TNNI3K: variants seen among roughly 807,000 people sequenced by gnomAD.
The protein encoded by TNNI3K is TNNI3 interacting kinase, also known as serine/threonine-protein kinase TNNI3K.
In TNNI3K, 140 loss-of-function variants were observed where a neutral mutation model predicts 114.5. The observed-to-expected ratio is 1.22, with a 90% CI of 1.07 to 1.41. The LOEUF is 1.41. Among genes scored for constraint, TNNI3K ranks in the 40% most tolerant of loss-of-function variants. The probability of loss-of-function intolerance (pLI) is 0.00; values close to 1 mark genes in which losing one functional copy is unlikely to be tolerated. For synonymous variants in TNNI3K, 347 were observed against 347.5 expected (o/e 1.00, Z 0.02); for missense variants, 1,125 against 1,007.6 (o/e 1.12, Z -1.58).
intron 2 of TNNI3K, among the ~76,000 whole-genome samples, chr1:74,242,962 A>G (rs1270835248): frequency 6.6e-6 from 1 of 151,372 alleles, no homozygotes; most frequent in Non-Finnish European, 1.5e-5. Flanking sequence ...CTTCTTTTCC[A>G]TCCTGTACCT....
intron 23 of TNNI3K, among the ~76,000 whole-genome samples, chr1:74,506,883 T>G (rs1178973161): frequency 2.0e-5 from 3 of 152,196 alleles, no homozygotes; most frequent in Non-Finnish European, 4.4e-5. Flanking sequence ...CACTGTCTTC[T>G]CGGAAAAGAT....
intron 24 of TNNI3K, 39 bp from the exon 25 acceptor site, chr1:74,543,867 A>C: frequency 1.2e-6 from 2 of 1,612,596 alleles, no homozygotes; most frequent in South Asian, 2.2e-5. Context: ...ATGTACTGAA[A>C]GACTAGTAAG....
chr1:74,251,605 T>G (rs1323374539), intron 4 of TNNI3K, among the ~76,000 whole-genome samples: 1 of 152,162 alleles, frequency 6.6e-6, no homozygotes, highest in Admixed American at 6.5e-5. Flanking sequence ...ATTTGTATAT[T>G]GCGTATTTTG....
chr1:74,494,578 G>A lies in TNNI3K; in HGVS notation c.2351+2312G>A, dbSNP rs1020364399. Among the ~76,000 whole-genome samples the A allele has an allele frequency of 3.3e-5, 5 of 152,188 alleles. No homozygotes were observed. In the East Asian group the frequency reaches 7.7e-4, roughly 24 times the overall value. On this transcript the variant is annotated intron_variant, in intron 23 of 24. Coordinates refer to ENST00000326637, the MANE Select transcript of TNNI3K (RefSeq NM_015978.3). Reference sequence around the variant, plus strand: ...TCTTCTGTTCTTATTCTCTACTTGTGTCTTTTAAAGCTATTTCTCTGAACA... The same window carrying A: ...TCTTCTGTTCTTATTCTCTACTTGTATCTTTTAAAGCTATTTCTCTGAACA...
chr1:74,245,215 T>C lies in TNNI3K; in HGVS notation c.150-4244T>C, dbSNP rs182830646. Among the ~76,000 whole-genome samples the C allele has an allele frequency of 2.0e-5, 3 of 152,222 alleles. No individual in the cohort carries two copies. In the East Asian group the frequency reaches 5.8e-4, roughly 29 times the overall value. ...ATCCCAATGTATTACAACTTCTGCC[T>C]GAAGCAAAGTTCTCTTGTACTCTGA... is the stretch of plus-strand genomic sequence containing the variant. On this transcript the variant is annotated intron_variant, in intron 2 of 24. Coordinates refer to ENST00000326637, the MANE Select transcript of TNNI3K (RefSeq NM_015978.3).
chr1:74,258,754 C>T (rs1655485827), intron 4 of TNNI3K, among the ~76,000 whole-genome samples: 1 of 152,162 alleles, frequency 6.6e-6, no homozygotes, highest in Non-Finnish European at 1.5e-5. Context: ...ACTTTCCATA[C>T]TCTTTTCCTG....
At chr1:74,260,890 A>T (rs1449123167) in intron 4 of TNNI3K, among the ~76,000 whole-genome samples, 1 of 152,102 alleles carries the variant, frequency 6.6e-6, no homozygotes, top group Non-Finnish European at 1.5e-5. Context: ...TTAACAAAAA[A>T]ACCCATCAGT....
At chr1:74,296,144 C>T (rs1157027482) in intron 5 of TNNI3K, among the ~76,000 whole-genome samples, 4 of 151,804 alleles carry the variant, frequency 2.6e-5, no homozygotes, top group South Asian at 2.1e-4. Context: ...GGCGAGGCGG[C>T]GGGCGCCTGT....
At chr1:74,377,784 T>G (rs1662983304) in intron 17 of TNNI3K, among the ~76,000 whole-genome samples, 1 of 151,968 alleles carries the variant, frequency 6.6e-6, no homozygotes. Context: ...AGTAATTTGC[T>G]CCCAAGGAGC....
intron 9 of TNNI3K, among the ~76,000 whole-genome samples, chr1:74,352,660 G>A (rs1483755054): frequency 6.6e-6 from 1 of 152,142 alleles, no homozygotes; most frequent in Non-Finnish European, 1.5e-5. Context: ...CTCAAGCCTG[G>A]GCAATGGCAG....
In TNNI3K at chr1:74,367,274, C is replaced by T. The variant is rs1662324423; in HGVS notation, c.1196C>T (p.Thr399Ile). ...CATAAAGGGCATGATGCCATTGTCACACTCCTGAAGCATTATAAGAGACCA... is the reference window on the plus strand; with the variant it reads ...CATAAAGGGCATGATGCCATTGTCATACTCCTGAAGCATTATAAGAGACCA... ...AYEKGHDAIV[T>I]LLKHYKRPQD... The change falls in exon 12 of 25, where the codon ACA becomes ATA. Residue 399 changes from threonine (T) to isoleucine (I), a missense_variant. By Grantham distance (89) the Thr-to-Ile change is moderately conservative (BLOSUM62 -1). Coordinates refer to ENST00000326637, the MANE Select transcript of TNNI3K (RefSeq NM_015978.3). 6.2e-7 allele frequency: 1 copy of T among 1,612,090 alleles called. No individual in the cohort carries two copies. Among genetic ancestry groups the T allele is most frequent in the Non-Finnish European group, 8.5e-7 (1 of 1,178,658 alleles).
At chr1:74,451,267 G>A (rs1666980281) in intron 20 of TNNI3K, among the ~76,000 whole-genome samples, 1 of 152,012 alleles carries the variant, frequency 6.6e-6, no homozygotes, top group African/African-American at 2.4e-5. Flanking sequence ...GGGAGGGAGA[G>A]CACCAGGAAA....
At position 74,343,003 on chromosome 1, in the gene TNNI3K, A is replaced by G; in HGVS notation, c.827+17A>G. 6.2e-7 allele frequency: 1 copy of G among 1,613,724 alleles called. No individual in the cohort carries two copies. Among genetic ancestry groups the G allele is most frequent in the Non-Finnish European group, 8.5e-7 (1 of 1,179,802 alleles). On this transcript the variant is annotated intron_variant, in intron 8 of 24. Transcript: ENST00000326637. ...CTTACACCTGTGAGTATTATGTAGC[A>G]TTCCATAGGTTCTCCAGGTATACTG...
intron 17 of TNNI3K, among the ~76,000 whole-genome samples, chr1:74,388,703 C>T (rs548999962): frequency 6.6e-6 from 1 of 152,182 alleles, no homozygotes; most frequent in East Asian, 1.9e-4. Flanking sequence ...ACAAGGAAAA[C>T]GGTTCTCATA....
chr1:74,389,198 G>A (rs1332330154), intron 17 of TNNI3K, among the ~76,000 whole-genome samples: 6 of 152,166 alleles, frequency 3.9e-5, no homozygotes, highest in Non-Finnish European at 7.4e-5. Context: ...ATCTGAGACG[G>A]AAGCCATGGG....
intron 17 of TNNI3K, among the ~76,000 whole-genome samples, chr1:74,417,923 G>T (rs1418741271): frequency 6.6e-6 from 1 of 151,934 alleles, no homozygotes; most frequent in African/African-American, 2.4e-5. Context: ...TACAAAAAAA[G>T]ATACATGAAG....
At chr1:74,485,382 C>A (rs1476642329) in intron 21 of TNNI3K, among the ~76,000 whole-genome samples, 1 of 152,126 alleles carries the variant, frequency 6.6e-6, no homozygotes, top group Non-Finnish European at 1.5e-5. Context: ...GTTAGTCGGC[C>A]TCATGGATGT....
At chr1:74,373,610 C>T (rs567708239) in intron 17 of TNNI3K, 14 of 151,914 alleles carry the variant, frequency 9.2e-5, no homozygotes, top group African/African-American at 3.4e-4. Flanking sequence ...TTTAACTGAA[C>T]CAAATTATTG....
intron 5 of TNNI3K, among the ~76,000 whole-genome samples, chr1:74,299,420 A>C (rs1658184051): frequency 3.6e-4 from 1 of 2,800 alleles, no homozygotes; most frequent in East Asian, 0.25. Flanking sequence ...ATCTTGAAAG[A>C]CTTTTTTGAT....
Sources: gnomAD v4.1 joint callset for allele counts (sites outside exome capture counted in the v4.1 genomes callset) on GRCh38, gnomAD v4.1.1 for gene constraint, MANE v1.5 for transcripts, NCBI Gene and HGNC (gene_info 2026-07-23, HGNC 2026-07-21) for gene names.